The following TAS2R1 variants were observed in gnomAD, a reference collection of about 807,000 sequenced individuals.
TAS2R1 encodes the protein taste receptor type 2 member 1.
For synonymous variants in TAS2R1, 141 were observed against 134.2 expected (o/e 1.05, Z -0.35); for missense variants, 370 against 353.4 (o/e 1.05, Z -0.38).
At chr5:9,789,754 T>C in the TAS2R1 span, among the ~76,000 whole-genome samples, 1 of 152,244 alleles carries the variant, frequency 6.6e-6, no homozygotes. Flanking sequence ...CACATCTCAG[T>C]AGTCATTTGT....
chr5:9,858,833 T>C, the TAS2R1 span, among the ~76,000 whole-genome samples: 1 of 152,150 alleles, frequency 6.6e-6, no homozygotes, highest in South Asian at 2.1e-4. Flanking sequence ...ATAATATAAT[T>C]CAAAATAAAA....
At chr5:9,873,406 G>GT in the TAS2R1 span, among the ~76,000 whole-genome samples, 1 of 117,774 alleles carries the variant, frequency 8.5e-6, no homozygotes, top group Non-Finnish European at 1.7e-5. Context: ...GGAAGACCAG[G>GT]CCTTTTTTTT....
At chr5:9,810,498 A>T in the TAS2R1 span, among the ~76,000 whole-genome samples, 1 of 152,150 alleles carries the variant, frequency 6.6e-6, no homozygotes, top group Non-Finnish European at 1.5e-5. Context: ...AAGGCAAGCC[A>T]CACCTGGACT....
At chr5:9,722,978 G>A in the TAS2R1 span, among the ~76,000 whole-genome samples, 2 of 152,186 alleles carry the variant, frequency 1.3e-5, no homozygotes, top group Non-Finnish European at 2.9e-5. Flanking sequence ...CAAACACCCT[G>A]CCTCAAAGAT....
At chr5:9,790,800 T>C in the TAS2R1 span, among the ~76,000 whole-genome samples, 1 of 152,222 alleles carries the variant, frequency 6.6e-6, no homozygotes, top group South Asian at 2.1e-4. Flanking sequence ...GGCTAATTTT[T>C]TTTTGTATTT....
chr5:9,861,641 G>A, the TAS2R1 span, among the ~76,000 whole-genome samples: 1 of 152,276 alleles, frequency 6.6e-6, no homozygotes, highest in East Asian at 1.9e-4. Flanking sequence ...CAGCAGTAGA[G>A]GGTGCTTGTT....
At chr5:9,858,598 T>C in the TAS2R1 span, among the ~76,000 whole-genome samples, 1 of 152,180 alleles carries the variant, frequency 6.6e-6, no homozygotes, top group Non-Finnish European at 1.5e-5. Context: ...TAAACTACAT[T>C]GTTTAGTGAT....
At chr5:9,746,752 A>C in the TAS2R1 span, among the ~76,000 whole-genome samples, 2 of 152,156 alleles carry the variant, frequency 1.3e-5, no homozygotes, top group Non-Finnish European at 2.9e-5. Context: ...AACATCACAT[A>C]CGAAGGCCCA....
chr5:9,698,309 G>A (rs1017279763), intron 1 of TAS2R1, among the ~76,000 whole-genome samples: 2 of 152,116 alleles, frequency 1.3e-5, no homozygotes, highest in East Asian at 1.9e-4. Flanking sequence ...CCAAAAGAAT[G>A]AGATTGTACA....
At chr5:9,843,864 T>C in the TAS2R1 span, among the ~76,000 whole-genome samples, 1 of 152,162 alleles carries the variant, frequency 6.6e-6, no homozygotes, top group African/African-American at 2.4e-5. Flanking sequence ...GAAGAATCCT[T>C]TTCCAAACTC....
chr5:9,752,392 C>T, the TAS2R1 span, among the ~76,000 whole-genome samples: 1 of 152,306 alleles, frequency 6.6e-6, no homozygotes, highest in Admixed American at 6.5e-5. Context: ...TTTACATGCT[C>T]TTCTTTCCAC....
chr5:9,719,695 G>A, the TAS2R1 span, among the ~76,000 whole-genome samples: 2 of 152,044 alleles, frequency 1.3e-5, no homozygotes, highest in African/African-American at 2.4e-5. Context: ...TTGGGAGGCC[G>A]AGGCGGGCGG....
the TAS2R1 span, among the ~76,000 whole-genome samples, chr5:9,812,238 G>C: frequency 6.6e-6 from 1 of 152,058 alleles, no homozygotes; most frequent in Non-Finnish European, 1.5e-5. Flanking sequence ...CGGAGAAAAA[G>C]AGAAGATGTT....
the TAS2R1 span, among the ~76,000 whole-genome samples, chr5:9,870,923 G>C: frequency 6.6e-6 from 1 of 152,162 alleles, no homozygotes; most frequent in Non-Finnish European, 1.5e-5. Context: ...ATGCAAGGTA[G>C]TAATTTTCTC....
chr5:9,863,020 TGA>T, the TAS2R1 span: 2 of 152,218 alleles, frequency 1.3e-5, no homozygotes, highest in Non-Finnish European at 2.9e-5. Flanking sequence ...ACCTCTAGCT[TGA>T]GAGTCTTTTT....
chr5:9,699,964 T>C (rs1240071322), intron 1 of TAS2R1, among the ~76,000 whole-genome samples: 2 of 152,184 alleles, frequency 1.3e-5, no homozygotes, highest in Non-Finnish European at 2.9e-5. Context: ...AAGTCTGTTT[T>C]TTCCCAAAGT....
At chr5:9,883,694 C>T in the TAS2R1 span, among the ~76,000 whole-genome samples, 1 of 151,858 alleles carries the variant, frequency 6.6e-6, no homozygotes, top group Non-Finnish European at 1.5e-5. Context: ...TTTCCTGAGT[C>T]TATGGGTCTG....
At chr5:9,737,494 T>C in the TAS2R1 span, among the ~76,000 whole-genome samples, 1 of 151,986 alleles carries the variant, frequency 6.6e-6, no homozygotes, top group Non-Finnish European at 1.5e-5. Flanking sequence ...ATTTTGCGGG[T>C]TTTTGACAGA....
chr5:9,853,208 G>A, the TAS2R1 span, among the ~76,000 whole-genome samples: 1 of 152,194 alleles, frequency 6.6e-6, no homozygotes. Flanking sequence ...TCCCAGGAAA[G>A]AATTCAAAGG....
Sources: gnomAD v4.1 joint callset for allele counts (sites outside exome capture counted in the v4.1 genomes callset) on GRCh38, gnomAD v4.1.1 for gene constraint, MANE v1.5 for transcripts, NCBI Gene and HGNC (gene_info 2026-07-23, HGNC 2026-07-21) for gene names.